Variants in OSTC observed in about 807,000 individuals in gnomAD.
OSTC encodes the protein oligosaccharyltransferase complex subunit OSTC.
In OSTC, 16 loss-of-function variants were observed where a neutral mutation model predicts 16.4. The ratio of observed to expected loss-of-function variants is 0.98; its 90% CI spans 0.66 to 1.49. OSTC has a LOEUF of 1.49. OSTC is among the 40% of genes most tolerant of loss of function. The pLI is 0.00. For synonymous variants in OSTC, 67 were observed against 68.5 expected (o/e 0.98, Z 0.11); for missense variants, 139 against 186.3 (o/e 0.75, Z 1.48).
chr4:108,661,915 A>T (rs1305672648), intron 3 of OSTC, among the ~76,000 whole-genome samples: 1 of 152,184 alleles, frequency 6.6e-6, no homozygotes, highest in East Asian at 1.9e-4. Context: ...AGAATCTTAA[A>T]AAAAATAAAA....
chr4:108,656,583 TCA>T (rs56269935), intron 2 of OSTC, among the ~76,000 whole-genome samples: 2 of 151,208 alleles, frequency 1.3e-5, no homozygotes, highest in East Asian at 3.9e-4. Flanking sequence ...CCTAGAAAAA[TCA>T]CACACACACA....
chr4:108,651,534 G>T (rs933116057), intron 1 of OSTC: 2 of 152,106 alleles, frequency 1.3e-5, no homozygotes, highest in Non-Finnish European at 2.9e-5. Flanking sequence ...AATTGCAAAG[G>T]GGCGTTGCCT....
chr4:108,654,007 A>G (rs1056212402), intron 1 of OSTC, among the ~76,000 whole-genome samples: 8 of 152,324 alleles, frequency 5.3e-5, no homozygotes, highest in Middle Eastern at 3.4e-3. Flanking sequence ...TAGTTCTTTT[A>G]TAAAAGAAGA....
At chr4:108,653,702 T>C (rs114508310) in intron 1 of OSTC, among the ~76,000 whole-genome samples, 1 of 152,252 alleles carries the variant, frequency 6.6e-6, no homozygotes, top group African/African-American at 2.4e-5. Flanking sequence ...TAAAATTAGT[T>C]GGATATGTCA....
In OSTC at chr4:108,650,676, C is replaced by T. The variant is rs767932478; in HGVS notation, c.21C>T (p.Val7=). METLYR[V]PFLVLECPNL... is the part of the protein sequence containing the mutation. The stretch of plus-strand genomic sequence containing the variant: ...CCAACATGGAGACTTTGTACCGTGT[C>T]CCGTTCTTAGTGCTCGAATGTCCCA... Residue 7 remains valine, a synonymous_variant, in exon 1 of 4, where the codon GTC becomes GTT. Coordinates refer to ENST00000361564, the MANE Select transcript of OSTC (RefSeq NM_021227.4). The T allele has an allele frequency of 1.2e-6, 2 of 1,614,006 alleles. No homozygotes were observed. Among genetic ancestry groups the T allele is most frequent in the Non-Finnish European group, 8.5e-7 (1 of 1,180,016 alleles).
At chr4:108,657,705 A>G (rs1377998083) in intron 3 of OSTC, 58 bp downstream of exon 3, 3 of 1,431,850 alleles carry the variant, frequency 2.1e-6, no homozygotes, top group East Asian at 2.3e-5. Flanking sequence ...GATTACCTGG[A>G]AAATGTAAAG....
intron 1 of OSTC, 65 bp downstream of exon 1, chr4:108,650,859 T>A: frequency 6.2e-7 from 1 of 1,608,154 alleles, no homozygotes; most frequent in Non-Finnish European, 8.5e-7. Context: ...GGGAGGCGCG[T>A]CTGTTCCGCT....
rs148656839 is a variant in OSTC, at chr4:108,665,137, A to T, written c.432-2110A>T. ...GAAAGGGAGGGAAGTCACATTTTTGAGTGTTTGCTGTGTGCCAAGCACTGG... is the reference window on the plus strand; with the variant it reads ...GAAAGGGAGGGAAGTCACATTTTTGTGTGTTTGCTGTGTGCCAAGCACTGG... On this transcript the variant is annotated intron_variant, in intron 3 of 3. Transcript: ENST00000361564. 7.2e-4 allele frequency among the ~76,000 whole-genome samples: 110 copies of T among 152,252 alleles called. 2 individuals are homozygous for T. The East Asian group carries it at 0.02, about 28-fold the overall frequency.
At position 108,657,604 on chromosome 4, in the gene OSTC, T is replaced by C. The variant is rs1393829008; in HGVS notation, c.388T>C (p.Leu130=). Residue 130 remains leucine, a synonymous_variant, in exon 3 of 4, where the codon TTG becomes CTG. Transcript: ENST00000361564. ...LLFIGFVCVL[L]SFFMARVFMR... ...GTTCATTGGATTCGTCTGTGTCCTA[T>C]TGAGTTTTTTCATGGCTAGAGTATT... The C allele has an allele frequency of 2.5e-6, 4 of 1,613,730 alleles. No individual in the cohort carries two copies. The East Asian group carries it at 6.7e-5, about 27-fold the overall frequency.
At chr4:108,651,446 A>T (rs999464524) in intron 1 of OSTC, 2 of 152,374 alleles carry the variant, frequency 1.3e-5, no homozygotes, top group Admixed American at 6.5e-5. Flanking sequence ...GTTGAGAATT[A>T]AAAAAATAAG....
At chr4:108,653,862 G>A (rs1430263470) in intron 1 of OSTC, among the ~76,000 whole-genome samples, 2 of 152,126 alleles carry the variant, frequency 1.3e-5, no homozygotes, top group Non-Finnish European at 2.9e-5. Flanking sequence ...TAATTCTAAT[G>A]GTACTGGCAT....
At chr4:108,651,559 TTGGCAA>T (rs1170259046) in intron 1 of OSTC, 2 of 152,190 alleles carry the variant, frequency 1.3e-5, no homozygotes, top group Non-Finnish European at 2.9e-5. Flanking sequence ...TACTGGTGAG[TTGGCAA>T]TCCGGCTAGT....
intron 3 of OSTC, among the ~76,000 whole-genome samples, chr4:108,665,259 T>C (rs1358155881): frequency 6.6e-6 from 1 of 152,276 alleles, no homozygotes; most frequent in Middle Eastern, 3.4e-3. Context: ...GTGAAGTGCA[T>C]GTAACTACGA....
chr4:108,655,475 T>G lies in OSTC; in HGVS notation c.140-89T>G, dbSNP rs1042648517. 6.3e-5 allele frequency: 30 copies of G among 475,830 alleles called. No individual in the cohort carries two copies. In the South Asian group the frequency reaches 1.1e-3, roughly 17 times the overall value. 29.5% of individuals were successfully genotyped at this position (475,830 alleles called of 1,614,324 possible). A position where few individuals can be genotyped will look rare whatever the true frequency, so the allele number is the denominator to read the frequency against. On this transcript the variant is annotated intron_variant, in intron 1 of 3. Transcript: ENST00000361564. ...GAGTGAGACTCTGTCTCAAAAAAAG[T>G]AAATGAACCTTAAGAGACAATGAAA... is the stretch of plus-strand genomic sequence containing the variant.
Position 108,650,811 on chromosome 4 carries a change from G to T in OSTC, c.139+17G>T, listed in dbSNP as rs1012434362. 1.2e-6 allele frequency: 2 copies of T among 1,614,086 alleles called. No individual in the cohort carries two copies. Among genetic ancestry groups the T allele is most frequent in the Admixed American group, 1.7e-5 (1 of 60,032 alleles). Reference sequence around the variant, plus strand: ...TCACCGGAGGTAACTCGGGCTGTCGGGCCCGAGAGGCTGAGGAGCGGAGAA... The same window carrying T: ...TCACCGGAGGTAACTCGGGCTGTCGTGCCCGAGAGGCTGAGGAGCGGAGAA... On this transcript the variant is annotated intron_variant, in intron 1 of 3. Coordinates refer to ENST00000361564, the MANE Select transcript of OSTC (RefSeq NM_021227.4).
At chr4:108,665,295 C>G (rs1726964781) in intron 3 of OSTC, among the ~76,000 whole-genome samples, 3 of 152,296 alleles carry the variant, frequency 2.0e-5, no homozygotes, top group Admixed American at 2.0e-4. Context: ...TGAGTAGATT[C>G]TCTTATAATC....
chr4:108,657,509 G>C lies in OSTC; in HGVS notation c.293G>C (p.Gly98Ala). ...LASSFLFTMG[G>A]LGFIILDRSN... Reference sequence around the variant, plus strand: ...TCCAGCTTCCTATTTACAATGGGAGGTTTAGGTTTCATAATCCTGGACCGA... The same window carrying C: ...TCCAGCTTCCTATTTACAATGGGAGCTTTAGGTTTCATAATCCTGGACCGA... Residue 98 changes from glycine to alanine, a missense_variant, in exon 3 of 4, where the codon GGT (glycine) becomes GCT (alanine). By Grantham distance (60) the Gly-to-Ala change is moderately conservative. Transcript: ENST00000361564. The C allele has an allele frequency of 6.2e-7, 1 of 1,613,678 alleles. No homozygotes were observed. Among genetic ancestry groups the C allele is most frequent in the South Asian group, 1.1e-5 (1 of 91,076 alleles).
chr4:108,651,730 A>G (rs1726555572), intron 1 of OSTC, among the ~76,000 whole-genome samples: 1 of 152,226 alleles, frequency 6.6e-6, no homozygotes, highest in South Asian at 2.1e-4. Context: ...CCTGGAAATT[A>G]TAAAATTAAA....
At chr4:108,651,046 G>A in intron 1 of OSTC, 1 of 461,236 alleles carries the variant, frequency 2.2e-6, no homozygotes, top group Non-Finnish European at 3.8e-6. Context: ...CCATCCCAGG[G>A]ATCCGAGTCA....
Sources: gnomAD v4.1 joint callset for allele counts (sites outside exome capture counted in the v4.1 genomes callset) on GRCh38, gnomAD v4.1.1 for gene constraint, MANE v1.5 for transcripts, NCBI Gene and HGNC (gene_info 2026-07-23, HGNC 2026-07-21) for gene names.